TRAPPC11: variants seen among roughly 807,000 people sequenced by gnomAD.
TRAPPC11 encodes the protein foie gras homolog.
In TRAPPC11, 104 loss-of-function variants were observed where a neutral mutation model predicts 151.2. That is an observed-to-expected ratio of 0.69 (90% CI 0.59 to 0.81). The LOEUF is 0.81. Among genes scored for constraint, TRAPPC11 ranks in the 30% least tolerant of loss-of-function variants. The probability of loss-of-function intolerance (pLI) is 0.00; values close to 1 mark genes in which losing one functional copy is unlikely to be tolerated. For missense variants in TRAPPC11, 1,230 were observed against 1,349.6 expected (o/e 0.91, Z 1.39); for synonymous variants, 456 against 472.3 (o/e 0.97, Z 0.45).
chr4:183,693,216 CAG>C, intron 20 of TRAPPC11, 69 bp downstream of exon 20: 1 of 1,408,070 alleles, frequency 7.1e-7, no homozygotes. Context: ...TTTTTGGAGA[CAG>C]AGTCTCTCTC....
chr4:183,710,105 A>C (rs1019331613), intron 29 of TRAPPC11, among the ~76,000 whole-genome samples: 1 of 152,154 alleles, frequency 6.6e-6, no homozygotes, highest in Non-Finnish European at 1.5e-5. Context: ...GAAATACTAG[A>C]GTAACTAATA....
Position 183,708,424 on chromosome 4 carries a change from C to T in TRAPPC11, c.3207C>T (p.Leu1069=), listed in dbSNP as rs147872774. The T allele has an allele frequency of 1.9e-6, 3 of 1,613,518 alleles. No homozygotes were observed. The highest frequency in any genetic ancestry group is 1.3e-5 in the African/African-American group (1 of 75,028). Residue 1069 remains leucine, a synonymous_variant, in exon 29 of 30, where the codon CTC becomes CTT. Coordinates refer to ENST00000334690, the MANE Select transcript of TRAPPC11 (RefSeq NM_021942.6). ...TGATGCAGATTCGATTACGTATCCTCCCTGGCACGGAGCAGGAAATGCTAT... is the reference window on the plus strand; with the variant it reads ...TGATGCAGATTCGATTACGTATCCTTCCTGGCACGGAGCAGGAAATGCTAT... ...SGLKQIRLRI[L]PGTEQEMLYN...
chr4:183,686,091 G>A (rs1735951911), intron 17 of TRAPPC11, among the ~76,000 whole-genome samples: 2 of 152,274 alleles, frequency 1.3e-5, no homozygotes, highest in African/African-American at 4.8e-5. Context: ...ACCCGCCTGA[G>A]CCTCCCAAAG....
intron 2 of TRAPPC11, 80 bp downstream of exon 2, chr4:183,664,151 G>T: frequency 7.6e-7 from 1 of 1,318,934 alleles, no homozygotes; most frequent in Non-Finnish European, 1.1e-6. Flanking sequence ...TCTGTTGTGT[G>T]TGTGGAGTTT....
At position 183,701,399 on chromosome 4, in the gene TRAPPC11, G is replaced by A. The variant is rs544741048; in HGVS notation, c.2852-298G>A. ...ATTTGGAAAAAGAAAAACAATCACC[G>A]TAAGATATTGATTCTGTCTCTAAGC... On this transcript the variant is annotated intron_variant, in intron 25 of 29. Coordinates refer to ENST00000334690, the MANE Select transcript of TRAPPC11 (RefSeq NM_021942.6). 1.8e-4 allele frequency: 42 copies of A among 235,582 alleles called. 1 individual carries two copies. The South Asian group carries it at 2.4e-3, about 14-fold the overall frequency. 14.6% of individuals were successfully genotyped at this position (235,582 alleles called of 1,614,324 possible).
At chr4:183,675,282 CAA>C in intron 7 of TRAPPC11, 45 bp downstream of exon 7, 1 of 1,197,682 alleles carries the variant, frequency 8.3e-7, no homozygotes, top group East Asian at 2.5e-5. Flanking sequence ...TTTATATTAA[CAA>C]TAACATGTGA....
intron 18 of TRAPPC11, among the ~76,000 whole-genome samples, chr4:183,687,837 C>G (rs1002896181): frequency 7.9e-5 from 12 of 152,160 alleles, no homozygotes; most frequent in African/African-American, 2.7e-4. Flanking sequence ...TGTCTTCTTT[C>G]TTCTCCATTC....
intron 9 of TRAPPC11, 110 bp downstream of exon 9, chr4:183,679,596 G>A (rs1735577640): frequency 1.1e-5 from 9 of 807,988 alleles, no homozygotes; most frequent in Admixed American, 3.1e-5. Context: ...TCACTAAGTA[G>A]GTTTTTGATG....
chr4:183,685,610 C>A (rs1561045713), intron 17 of TRAPPC11, among the ~76,000 whole-genome samples: 1 of 151,996 alleles, frequency 6.6e-6, no homozygotes, highest in East Asian at 1.9e-4. Flanking sequence ...TTAAAATACA[C>A]TTTGCTCATT....
chr4:183,661,574 T>C (rs1461633604), intron 1 of TRAPPC11, among the ~76,000 whole-genome samples: 1 of 151,720 alleles, frequency 6.6e-6, no homozygotes, highest in Non-Finnish European at 1.5e-5. Flanking sequence ...GGTTTCACCA[T>C]GTTAGCCAGG....
chr4:183,694,151 G>A lies in TRAPPC11; in HGVS notation c.2508+113G>A, dbSNP rs970679160. ...TAACGCATATTCTAGGACTGAAAAA[G>A]TGATTTAACTAATGAACATTTCATA... On this transcript the variant is annotated intron_variant, in intron 22 of 29. Coordinates refer to ENST00000334690, the MANE Select transcript of TRAPPC11 (RefSeq NM_021942.6). 3 of 1,108,914 alleles carry A rather than the reference G, an allele frequency of 2.7e-6. No homozygotes were observed. The African/African-American group carries it at 4.7e-5, about 17-fold the overall frequency. 68.7% of individuals were successfully genotyped at this position (1,108,914 alleles called of 1,614,324 possible).
At position 183,666,415 on chromosome 4, in the gene TRAPPC11, G is replaced by A. The variant is rs762668345; in HGVS notation, c.363G>A (p.Val121=). 8.1e-6 allele frequency: 13 copies of A among 1,613,646 alleles called. No homozygotes were observed. In the South Asian group the frequency reaches 8.8e-5, roughly 11 times the overall value. ...KEKQSECATR[V]EIVRQSLQGR... The stretch of plus-strand genomic sequence containing the variant: ...AGCAGTCTGAGTGCGCCACCAGAGT[G>A]GAAATAGTCAGGTATGATCTTCTGT... Residue 121 remains valine (V), a synonymous_variant, in exon 3 of 30, where the codon GTG becomes GTA. Transcript: ENST00000334690.
At chr4:183,711,986 G>A (rs892993770) in intron 29 of TRAPPC11, among the ~76,000 whole-genome samples, 1 of 152,130 alleles carries the variant, frequency 6.6e-6, no homozygotes, top group Non-Finnish European at 1.5e-5. Flanking sequence ...CTTTTCTGAC[G>A]TGATGTTTTA....
At chr4:183,673,253 G>T (rs180675539) in intron 5 of TRAPPC11, among the ~76,000 whole-genome samples, 45 of 152,160 alleles carry the variant, frequency 3.0e-4, no homozygotes, top group African/African-American at 1.0e-3. Flanking sequence ...CACTGTGCCC[G>T]GCCCCCATTT....
intron 4 of TRAPPC11, 73 bp downstream of exon 4, chr4:183,667,203 TG>T: frequency 1.6e-6 from 2 of 1,286,148 alleles, no homozygotes; most frequent in South Asian, 2.8e-5. Context: ...AGGGGTTTTT[TG>T]GATGTTTAAA....
intron 5 of TRAPPC11, among the ~76,000 whole-genome samples, chr4:183,674,068 T>G (rs1245530192): frequency 6.6e-6 from 1 of 152,206 alleles, no homozygotes; most frequent in African/African-American, 2.4e-5. Context: ...TCAGACTTTT[T>G]ATAAAAATAT....
intron 17 of TRAPPC11, 44 bp from the exon 18 acceptor site, chr4:183,686,574 G>A (rs1311228122): frequency 6.2e-7 from 1 of 1,603,606 alleles, no homozygotes; most frequent in Non-Finnish European, 8.5e-7. Flanking sequence ...GTGGGTCGTG[G>A]GTATCTGGTT....
At chr4:183,680,384 A>AT (rs1735615990) in intron 10 of TRAPPC11, 117 bp downstream of exon 10, 2 of 1,141,030 alleles carry the variant, frequency 1.8e-6, no homozygotes, top group Non-Finnish European at 2.4e-6. Context: ...ATTAGTTTTT[A>AT]TTTTTTATAG....
intron 1 of TRAPPC11, 109 bp from the exon 2 acceptor site, chr4:183,663,738 T>TG (rs1400446884): frequency 1.1e-4 from 32 of 304,610 alleles, no homozygotes; most frequent in Admixed American, 4.7e-5. Context: ...TATGAGTTGT[T>TG]TTTTTTTTTT....
Sources: allele counts gnomAD v4.1 joint callset (sites outside exome capture counted in the v4.1 genomes callset), GRCh38; gene constraint gnomAD v4.1.1; transcripts MANE v1.5; gene names NCBI Gene and HGNC (gene_info 2026-07-23, HGNC 2026-07-21).